Variants in FGF13 observed in about 807,000 individuals in gnomAD.
The protein encoded by FGF13 is fibroblast growth factor homologous factor 2.
Under a neutral mutation model 19.5 loss-of-function variants are expected in FGF13, and 2 were observed. That is an observed-to-expected ratio of 0.10 (90% CI 0.04 to 0.32). The LOEUF is 0.32. Ranked by LOEUF, FGF13 falls within the 10% of genes least tolerant of loss-of-function variation. The pLI is 1.00. For synonymous variants in FGF13, 72 were observed against 76.9 expected (o/e 0.94, Z 0.33); for missense variants, 113 against 192.7 (o/e 0.59, Z 2.45).
At chrX:139,159,656 A>G (rs1603226443) in intron 1 of FGF13, among the ~76,000 whole-genome samples, 1 of 38,805 alleles carries the variant, frequency 2.6e-5, no homozygotes. Context: ...AAGAGAAAGC[A>G]AAAAAAAAAA....
chrX:139,125,509 G>T (rs903940153), intron 1 of FGF13, among the ~76,000 whole-genome samples: 2 of 112,168 alleles, frequency 1.8e-5, no homozygotes, highest in African/African-American at 6.5e-5. Context: ...TGGTTGTGAT[G>T]CAGTTCCATA....
chrX:139,200,304 A>G (rs1431670501), intron 1 of FGF13, among the ~76,000 whole-genome samples: 1 of 112,397 alleles, frequency 8.9e-6, no homozygotes, highest in Non-Finnish European at 1.9e-5. Flanking sequence ...AGTAAACCAC[A>G]ATGATCAAGA....
chrX:138,996,865 C>T lies in FGF13; in HGVS notation c.-112-132215G>A, dbSNP rs908013569. Among the ~76,000 whole-genome samples the T allele has an allele frequency of 2.7e-5, 3 of 111,980 alleles. No individual in the cohort carries two copies. In the Admixed American group the frequency reaches 2.8e-4, roughly 11 times the overall value. On this transcript the variant is annotated intron_variant, in intron 1 of 2. Transcript: ENST00000421460. The stretch of plus-strand genomic sequence containing the variant: ...ACTGCCTCCTCAAGTGGGTCCCTGA[C>T]CCACATGTAGCCTGACTGGGATACA...
chrX:138,691,280 C>T (rs1602705624), intron 3 of FGF13, among the ~76,000 whole-genome samples: 2 of 111,395 alleles, frequency 1.8e-5, no homozygotes, highest in East Asian at 2.8e-4. Context: ...GGAAGGAGCC[C>T]GGGAATACTT....
chrX:138,865,475 TCTCTCTCTCTC>T (rs759382092), intron 1 of FGF13, among the ~76,000 whole-genome samples: 1,667 of 75,853 alleles, frequency 0.022, 24 homozygotes, highest in Non-Finnish European at 0.029. Context: ...CTCTCTCTCC[TCTCTCTCTCTC>T]CTCTCTCTCT....
At chrX:139,082,716 T>G (rs769659131) in intron 1 of FGF13, among the ~76,000 whole-genome samples, 17 of 112,020 alleles carry the variant, frequency 1.5e-4, no homozygotes, top group Non-Finnish European at 3.0e-4. Context: ...ATTTCTAATC[T>G]CCAGTACCAT....
chrX:138,965,241 C>A (rs2091890336), intron 1 of FGF13, among the ~76,000 whole-genome samples: 1 of 112,314 alleles, frequency 8.9e-6, no homozygotes, highest in Non-Finnish European at 1.9e-5. Context: ...ACTCATCTCT[C>A]AGGCTGTGTT....
intron 1 of FGF13, among the ~76,000 whole-genome samples, chrX:139,050,529 A>C (rs1214921082): frequency 3.6e-5 from 4 of 111,952 alleles, no homozygotes; most frequent in Non-Finnish European, 7.5e-5. Flanking sequence ...ATAGGGAATA[A>C]AGAGGCTGAT....
At position 138,632,204 on chromosome X, in the gene FGF13, T is replaced by G. The variant is rs2089124883; in HGVS notation, c.*646A>C. The G allele has an allele frequency of 9.2e-6, 1 of 109,183 alleles. No individual in the cohort carries two copies. Among genetic ancestry groups the G allele is most frequent in the Non-Finnish European group, 1.9e-5 (1 of 52,351 alleles). The allele number at this position is 109,183 out of a possible 1,213,427, so 9.0% of individuals were successfully genotyped here. On this transcript the variant is annotated 3_prime_UTR_variant, in exon 5 of 5. Transcript: ENST00000315930. ...AAAAAAAAAAAAGAAAGAAAAACAA[T>G]TGGTCAAACCACAAGAACACTGTTA...
intron 1 of FGF13, among the ~76,000 whole-genome samples, chrX:138,952,391 T>C (rs2091817908): frequency 8.9e-6 from 1 of 112,077 alleles, no homozygotes; most frequent in South Asian, 3.7e-4. Context: ...AAGCTGAAAC[T>C]GGATCCCTTC....
intron 1 of FGF13, among the ~76,000 whole-genome samples, chrX:139,047,409 T>C (rs1225731189): frequency 1.8e-5 from 2 of 111,426 alleles, no homozygotes; most frequent in Non-Finnish European, 3.8e-5. Context: ...TTTTCTTTTT[T>C]TTATTATACT....
At chrX:138,979,464 G>A (rs1030216445) in intron 1 of FGF13, among the ~76,000 whole-genome samples, 10 of 109,557 alleles carry the variant, frequency 9.1e-5, no homozygotes, top group Admixed American at 5.9e-4. Flanking sequence ...CAATGTGCAG[G>A]CAAATTTGGT....
chrX:138,875,558 G>A (rs1020748482), intron 1 of FGF13, among the ~76,000 whole-genome samples: 1 of 112,248 alleles, frequency 8.9e-6, no homozygotes, highest in African/African-American at 3.2e-5. Context: ...TGCCCAGATA[G>A]TTGGTCAAAC....
intron 3 of FGF13, among the ~76,000 whole-genome samples, chrX:138,801,666 G>C (rs2123998144): frequency 8.9e-6 from 1 of 111,945 alleles, no homozygotes; most frequent in South Asian, 3.8e-4. Context: ...GTTTAAGTTT[G>C]CTGAACCTGC....
chrX:139,176,929 C>T (rs757540112), intron 1 of FGF13, among the ~76,000 whole-genome samples: 82 of 111,713 alleles, frequency 7.3e-4, no homozygotes, highest in Non-Finnish European at 8.5e-4. Context: ...ATTAGGTCTG[C>T]TTCGTCCAGA....
At chrX:138,860,362 A>T (rs1031194236) in intron 2 of FGF13, among the ~76,000 whole-genome samples, 1 of 111,531 alleles carries the variant, frequency 9.0e-6, no homozygotes, top group Non-Finnish European at 1.9e-5. Context: ...GAAAGTGATG[A>T]GGATGCAATG....
rs776015628 is a variant in FGF13, at chrX:138,802,846, G to A, written c.217+54666C>T. ...CTCACTCCATTCTCCTCAAATTTTC[G>A]CCCCCTCCAAAGCATCAATTGCAGA... On this transcript the variant is annotated intron_variant, in intron 3 of 6. Transcript: ENST00000436198. Among the ~76,000 whole-genome samples the A allele has an allele frequency of 6.2e-4, 69 of 110,643 alleles. 1 individual carries two copies. Among genetic ancestry groups the A allele is most frequent in the African/African-American group, 2.0e-3 (61 of 30,387 alleles).
intron 1 of FGF13, among the ~76,000 whole-genome samples, chrX:138,891,773 G>A (rs139614803): frequency 0.05 from 5,483 of 110,173 alleles, 388 homozygotes; most frequent in African/African-American, 0.17. Context: ...AGCTGCCAGC[G>A]AATATAAAGC....
At chrX:139,175,453 TGA>T (rs1386119979) in intron 1 of FGF13, among the ~76,000 whole-genome samples, 1 of 112,271 alleles carries the variant, frequency 8.9e-6, no homozygotes, top group African/African-American at 3.2e-5. Flanking sequence ...ATAAGAGTTC[TGA>T]GAGAGAGCAT....
Sources: gnomAD v4.1 joint callset for allele counts (sites outside exome capture counted in the v4.1 genomes callset) on GRCh38, gnomAD v4.1.1 for gene constraint, MANE v1.5 for transcripts, NCBI Gene and HGNC (gene_info 2026-07-23, HGNC 2026-07-21) for gene names.